The following PDE4D variants were observed in gnomAD, a reference collection of about 807,000 sequenced individuals.
The protein encoded by PDE4D is phosphodiesterase 4D.
Under a neutral mutation model 87.4 loss-of-function variants are expected in PDE4D, and 24 were observed. The observed-to-expected ratio is 0.27, with a 90% CI of 0.20 to 0.39. The LOEUF (loss-of-function observed/expected upper bound fraction) is 0.39. Among genes scored for constraint, PDE4D ranks in the 10% least tolerant of loss-of-function variants. PDE4D has a pLI of 1.00. For missense variants in PDE4D, 714 were observed against 1,041.0 expected (o/e 0.69, Z 4.32); for synonymous variants, 384 against 383.2 (o/e 1.00, Z -0.02).
chr5:59,828,799 G>C (rs1459292910), intron 1 of PDE4D, among the ~76,000 whole-genome samples: 1 of 152,080 alleles, frequency 6.6e-6, no homozygotes, highest in Non-Finnish European at 1.5e-5. Context: ...ATGAGCCCTA[G>C]TAGATAAAGC....
chr5:59,946,145 G>A (rs1432088151), intron 3 of PDE4D, among the ~76,000 whole-genome samples: 1 of 152,120 alleles, frequency 6.6e-6, no homozygotes, highest in African/African-American at 2.4e-5. Flanking sequence ...TGGGCTTGGG[G>A]GCAGTATTCT....
chr5:59,999,579 G>A (rs1361820205), intron 2 of PDE4D, among the ~76,000 whole-genome samples: 1 of 148,686 alleles, frequency 6.7e-6, no homozygotes, highest in African/African-American at 2.5e-5. Context: ...ATCTCTATGT[G>A]GGCTAATTGG....
At chr5:59,942,327 G>A (rs1757273666) in intron 3 of PDE4D, among the ~76,000 whole-genome samples, 2 of 152,206 alleles carry the variant, frequency 1.3e-5, no homozygotes, top group African/African-American at 4.8e-5. Flanking sequence ...TCTGCCTTCA[G>A]TAGGCTCTTC....
chr5:59,901,441 A>G (rs1752248868), intron 3 of PDE4D, among the ~76,000 whole-genome samples: 1 of 152,210 alleles, frequency 6.6e-6, no homozygotes, highest in Non-Finnish European at 1.5e-5. Flanking sequence ...ACAGCGAAAG[A>G]CTGATAAACT....
chr5:59,841,262 G>C (rs1398426255), intron 1 of PDE4D, among the ~76,000 whole-genome samples: 1 of 152,032 alleles, frequency 6.6e-6, no homozygotes, highest in Admixed American at 6.6e-5. Context: ...GAGGGAAGGA[G>C]TTACTGTAGT....
intron 1 of PDE4D, among the ~76,000 whole-genome samples, chr5:59,840,878 T>G (rs904635050): frequency 6.6e-6 from 1 of 152,052 alleles, no homozygotes; most frequent in Admixed American, 6.6e-5. Context: ...TAAGAATATA[T>G]GGGAGTTATA....
At chr5:60,032,262 C>A (rs1320272935) in intron 2 of PDE4D, among the ~76,000 whole-genome samples, 1 of 152,134 alleles carries the variant, frequency 6.6e-6, no homozygotes, top group Non-Finnish European at 1.5e-5. Context: ...TAAATCTCGT[C>A]CCCTTTAGAC....
rs202038654 is a variant in PDE4D, at chr5:60,314,901, C to G, written c.-89-129214G>C. Reference sequence around the variant, plus strand: ...CAGTCTATCATTGTTGGACATTTGGCTTGGTTCCAAGTCTTTGCTATTGTG... The same window carrying G: ...CAGTCTATCATTGTTGGACATTTGGGTTGGTTCCAAGTCTTTGCTATTGTG... On this transcript the variant is annotated intron_variant, in intron 1 of 16. Transcript: ENST00000502484. 2.6e-5 allele frequency among the ~76,000 whole-genome samples: 4 copies of G among 152,218 alleles called. No individual in the cohort carries two copies. The South Asian group carries it at 6.2e-4, about 24-fold the overall frequency.
chr5:60,341,735 C>A (rs992310694), intron 1 of PDE4D, among the ~76,000 whole-genome samples: 1 of 151,998 alleles, frequency 6.6e-6, no homozygotes, highest in African/African-American at 2.4e-5. Flanking sequence ...CATCCAAGGC[C>A]AAAATTAACC....
At chr5:60,259,345 C>T (rs1309820020) in intron 1 of PDE4D, among the ~76,000 whole-genome samples, 1 of 152,022 alleles carries the variant, frequency 6.6e-6, no homozygotes, top group Non-Finnish European at 1.5e-5. Context: ...AATGTCGTGG[C>T]ATTTTGTCCA....
chr5:60,010,791 T>C (rs957739389), intron 2 of PDE4D, among the ~76,000 whole-genome samples: 14 of 152,166 alleles, frequency 9.2e-5, no homozygotes, highest in African/African-American at 3.4e-4. Flanking sequence ...TTTTACTCAA[T>C]TTTATAGGTA....
intron 1 of PDE4D, chr5:59,768,587 G>A (rs1032039537): frequency 2.8e-5 from 44 of 1,571,440 alleles, no homozygotes; most frequent in Non-Finnish European, 3.6e-5. Context: ...GAAATGTCCA[G>A]GGAAGCAGGT....
intron 1 of PDE4D, among the ~76,000 whole-genome samples, chr5:60,393,528 A>G (rs570069282): frequency 3.3e-5 from 5 of 152,336 alleles, no homozygotes; most frequent in African/African-American, 1.2e-4. Context: ...TTAATCAAGA[A>G]GTTCAAGGAA....
At chr5:60,312,690 G>A (rs544294476) in intron 1 of PDE4D, among the ~76,000 whole-genome samples, 157 of 152,270 alleles carry the variant, frequency 1.0e-3, no homozygotes, top group Non-Finnish European at 1.7e-3. Flanking sequence ...CACCCTTGAC[G>A]TGGGGATTAT....
At chr5:60,214,971 A>G (rs1444259824) in intron 1 of PDE4D, among the ~76,000 whole-genome samples, 1 of 152,148 alleles carries the variant, frequency 6.6e-6, no homozygotes, top group African/African-American at 2.4e-5. Context: ...CCTCTCTCCC[A>G]TGCTACTCTC....
intron 1 of PDE4D, among the ~76,000 whole-genome samples, chr5:59,607,564 G>A (rs73758822): frequency 9.2e-5 from 14 of 152,122 alleles, no homozygotes; most frequent in East Asian, 3.9e-4. Context: ...GGAGGAGAGC[G>A]GAAAAGAGCA....
chr5:60,330,787 T>A (rs771678796), intron 1 of PDE4D, among the ~76,000 whole-genome samples: 2 of 152,186 alleles, frequency 1.3e-5, no homozygotes, highest in Non-Finnish European at 2.9e-5. Flanking sequence ...TCTGGGACAT[T>A]TGAGTCCTTG....
At chr5:59,151,705 G>A (rs1779502823) in intron 5 of PDE4D, among the ~76,000 whole-genome samples, 4 of 152,132 alleles carry the variant, frequency 2.6e-5, no homozygotes, top group African/African-American at 9.7e-5. Flanking sequence ...CTACCTTAGG[G>A]AGAGAGATGG....
intron 5 of PDE4D, among the ~76,000 whole-genome samples, chr5:59,152,013 TG>T (rs1779547634): frequency 6.6e-6 from 1 of 151,932 alleles, no homozygotes; most frequent in Non-Finnish European, 1.5e-5. Flanking sequence ...ACAAATGAAC[TG>T]AGATAAAATT....
Sources: allele counts gnomAD v4.1 joint callset (sites outside exome capture counted in the v4.1 genomes callset), GRCh38; gene constraint gnomAD v4.1.1; transcripts MANE v1.5; gene names NCBI Gene and HGNC (gene_info 2026-07-23, HGNC 2026-07-21).